LRIF1: variants seen among roughly 807,000 people sequenced by gnomAD.
LRIF1 encodes the protein ligand-dependent nuclear receptor-interacting factor 1.
LRIF1 carries 32 observed loss-of-function variants against 52.7 expected under a neutral mutation model. The observed-to-expected ratio is 0.61, with a 90% confidence interval of 0.46 to 0.82. LRIF1 has a LOEUF of 0.82. Among genes scored for constraint, LRIF1 ranks in the 40% least tolerant of loss-of-function variants. LRIF1 has a pLI of 0.00. For missense variants in LRIF1, 887 were observed against 892.0 expected, an observed-to-expected ratio of 0.99 and a Z score of 0.07; for synonymous variants, 323 against 317.4, an observed-to-expected ratio of 1.02 and a Z score of -0.19.
the LRIF1 span, among the ~76,000 whole-genome samples, chr1:110,925,136 G>C: frequency 6.6e-6 from 1 of 152,176 alleles, no homozygotes; most frequent in Non-Finnish European, 1.5e-5. Flanking sequence ...TTTATGTGAA[G>C]GTTTTTATAA....
At position 110,948,387 on chromosome 1, in the gene LRIF1, T is replaced by C; in HGVS notation, c.1882A>G (p.Lys628Glu). The C allele has an allele frequency of 6.2e-7, 1 of 1,609,762 alleles. No individual in the cohort carries two copies. The highest frequency in any genetic ancestry group is 2.2e-5 in the East Asian group (1 of 44,820). ...TTATTAGTTTTTGCTTTTCTTTTCT[T>C]ATCAAAATTCTGCTGCAATATTGAA... The part of the protein sequence containing the change: ...EGERKQQNFD[K>E]KRKAKTNKKM... The change falls in exon 4 of 4, where the codon AAG becomes GAG. Residue 628 changes from lysine (K) to glutamate (E), a missense_variant. Coordinates refer to ENST00000369763, the MANE Select transcript of LRIF1 (RefSeq NM_018372.4).
chr1:110,944,278 G>C (rs1658151183), downstream of LRIF1: 1 of 152,210 alleles, frequency 6.6e-6, no homozygotes, highest in African/African-American at 2.4e-5. Context: ...CTGGTAGGAT[G>C]CGGTTGTCAT....
downstream of LRIF1, among the ~76,000 whole-genome samples, chr1:110,945,607 G>A (rs1658186027): frequency 6.6e-6 from 1 of 152,136 alleles, no homozygotes; most frequent in South Asian, 2.1e-4. Context: ...TCTACTTTTA[G>A]TAGAGACGGG....
At chr1:110,956,034 G>A (rs994380353) in intron 1 of LRIF1, among the ~76,000 whole-genome samples, 2 of 152,132 alleles carry the variant, frequency 1.3e-5, no homozygotes, top group Admixed American at 1.3e-4. Context: ...ACAACTTTGG[G>A]GTTAGGAGGC....
Position 110,951,714 on chromosome 1 carries a change from T to C in LRIF1, c.1170A>G (p.Pro390=). Residue 390 remains proline (P), a synonymous_variant, in exon 2 of 4, where the codon CCA becomes CCG. Transcript: ENST00000369763. ...DQQNSVSPDT[P]VRKDTLQTVS... is the part of the protein sequence containing the mutation. ...CTGTCTGTAACGTGTCTTTTCTTAC[T>C]GGAGTATCAGGAGAAACAGAATTCT... is the stretch of plus-strand genomic sequence containing the variant. 1.9e-6 allele frequency: 3 copies of C among 1,613,988 alleles called. No individual in the cohort carries two copies. The highest frequency in any genetic ancestry group is 2.5e-6 in the Non-Finnish European group (3 of 1,180,014).
chr1:110,956,494 G>A (rs542172892), intron 1 of LRIF1, among the ~76,000 whole-genome samples: 1 of 152,300 alleles, frequency 6.6e-6, no homozygotes, highest in Non-Finnish European at 1.5e-5. Context: ...GGGATTATTG[G>A]TCTGTAGGGC....
At chr1:110,927,172 G>A in the LRIF1 span, among the ~76,000 whole-genome samples, 2 of 152,068 alleles carry the variant, frequency 1.3e-5, no homozygotes, top group Non-Finnish European at 2.9e-5. Context: ...GAAATTATGC[G>A]ATAATTTCTT....
the LRIF1 span, among the ~76,000 whole-genome samples, chr1:110,907,081 C>T: frequency 4.6e-5 from 7 of 152,090 alleles, no homozygotes; most frequent in Admixed American, 6.5e-5. Flanking sequence ...AGTCCAAACC[C>T]CTGCACTAAG....
At chr1:110,946,853 C>T (rs1251501659), downstream of LRIF1, among the ~76,000 whole-genome samples, 1 of 152,058 alleles carries the variant, frequency 6.6e-6, no homozygotes. Context: ...GACAGGGTTT[C>T]GCCATGTTGG....
chr1:110,957,860 T>C (rs1259198095), intron 1 of LRIF1, among the ~76,000 whole-genome samples: 1 of 152,236 alleles, frequency 6.6e-6, no homozygotes, highest in East Asian at 1.9e-4. Context: ...AAATGCATAC[T>C]GAATCATCAA....
chr1:110,907,649 G>A, the LRIF1 span, among the ~76,000 whole-genome samples: 2 of 152,284 alleles, frequency 1.3e-5, no homozygotes, highest in East Asian at 3.9e-4. Context: ...GCAGAGAATT[G>A]CTTGAATCCG....
At chr1:110,953,784 A>C (rs1658580812) in intron 1 of LRIF1, among the ~76,000 whole-genome samples, 1 of 152,172 alleles carries the variant, frequency 6.6e-6, no homozygotes, top group South Asian at 2.1e-4. Context: ...GGTACGCCTC[A>C]CCCAACTCAA....
chr1:110,949,928 C>A lies in LRIF1; in HGVS notation c.1792G>T (p.Asp598Tyr), dbSNP rs1287508099. The part of the protein sequence containing the change: ...PDHLTSGEGF[D>Y]SFSSLVKSGT... ...CTCTTTACCAAACTGCTAAAGGAAT[C>A]GAAACCTTCTCCAGAGGTCAAATGG... Residue 598 changes from aspartate to tyrosine, a missense_variant, in exon 3 of 4, where the codon GAT (aspartate) becomes TAT (tyrosine). Coordinates refer to ENST00000369763, the MANE Select transcript of LRIF1 (RefSeq NM_018372.4). The A allele has an allele frequency of 6.2e-7, 1 of 1,614,108 alleles. No individual in the cohort carries two copies. The highest frequency in any genetic ancestry group is 1.7e-5 in the Admixed American group (1 of 60,026).
At chr1:110,887,414 C>A in the LRIF1 span, among the ~76,000 whole-genome samples, 131 of 152,192 alleles carry the variant, frequency 8.6e-4, no homozygotes, top group African/African-American at 3.1e-3. Flanking sequence ...TAATCTAACA[C>A]CTGGGTTGGT....
the LRIF1 span, among the ~76,000 whole-genome samples, chr1:110,914,599 T>C: frequency 6.6e-6 from 1 of 151,736 alleles, no homozygotes. Flanking sequence ...ACAAAAATCG[T>C]AAAATTAGCT....
intron 2 of LRIF1, 23 bp from the exon 3 acceptor site, chr1:110,950,146 CACAA>C: frequency 1.3e-6 from 2 of 1,588,584 alleles, no homozygotes; most frequent in East Asian, 2.2e-5. Flanking sequence ...AAAGAAAACA[CACAA>C]ACAATACTGC....
the LRIF1 span, among the ~76,000 whole-genome samples, chr1:110,904,228 G>A: frequency 6.6e-6 from 1 of 152,232 alleles, no homozygotes; most frequent in South Asian, 2.1e-4. Context: ...AAGGACGCAG[G>A]CCTGGTTGGC....
chr1:110,889,870 A>T, the LRIF1 span, among the ~76,000 whole-genome samples: 1 of 152,202 alleles, frequency 6.6e-6, no homozygotes, highest in Non-Finnish European at 1.5e-5. Flanking sequence ...TTATAATCTA[A>T]TTTATTTTAT....
chr1:110,887,695 A>G, the LRIF1 span, among the ~76,000 whole-genome samples: 1 of 152,176 alleles, frequency 6.6e-6, no homozygotes, highest in South Asian at 2.1e-4. Context: ...TGTGTACTCT[A>G]GCCTGTGAAT....
Sources: allele counts gnomAD v4.1 joint callset (sites outside exome capture counted in the v4.1 genomes callset), GRCh38; gene constraint gnomAD v4.1.1; transcripts MANE v1.5; gene names NCBI Gene and HGNC (gene_info 2026-07-23, HGNC 2026-07-21).